IL1RAPL1: variants seen among roughly 807,000 people sequenced by gnomAD.
IL1RAPL1 encodes interleukin 1 receptor accessory protein like 1.
Under a neutral mutation model 48.4 loss-of-function variants are expected in IL1RAPL1, and 3 were observed. The ratio of observed to expected loss-of-function variants is 0.06; its 90% confidence interval spans 0.03 to 0.16. IL1RAPL1 has a LOEUF of 0.16. IL1RAPL1 is among the 10% of genes least tolerant of loss of function. The pLI, the probability that IL1RAPL1 is intolerant of heterozygous loss-of-function variation, is 1.00. For synonymous variants in IL1RAPL1, 185 were observed against 187.7 expected, an observed-to-expected ratio of 0.99 and a Z score of 0.12; for missense variants, 349 against 530.6, an observed-to-expected ratio of 0.66 and a Z score of 3.36.
intron 2 of IL1RAPL1, among the ~76,000 whole-genome samples, chrX:28,823,276 A>T (rs1383932745): frequency 5.4e-5 from 6 of 111,471 alleles, no homozygotes. Flanking sequence ...ACGGTAACTT[A>T]TGTGATTGTT....
chrX:29,866,708 C>G (rs1006941434), intron 6 of IL1RAPL1, among the ~76,000 whole-genome samples: 6 of 106,242 alleles, frequency 5.6e-5, no homozygotes, highest in African/African-American at 2.1e-4. Context: ...GAAAGAATTC[C>G]TAACTAATAA....
intron 1 of IL1RAPL1, among the ~76,000 whole-genome samples, chrX:28,730,255 T>C (rs1037718635): frequency 1.8e-5 from 2 of 111,555 alleles, no homozygotes; most frequent in African/African-American, 6.5e-5. Context: ...CACATATTGG[T>C]CTCAAAAATT....
intron 6 of IL1RAPL1, among the ~76,000 whole-genome samples, chrX:29,700,429 C>T (rs916290844): frequency 9.0e-6 from 1 of 111,435 alleles, no homozygotes; most frequent in Non-Finnish European, 1.9e-5. Flanking sequence ...TTTGCAGATA[C>T]GAAATATGTT....
intron 5 of IL1RAPL1, among the ~76,000 whole-genome samples, chrX:29,581,195 T>A (rs777056805): frequency 3.2e-4 from 36 of 112,757 alleles, no homozygotes; most frequent in Non-Finnish European, 5.1e-4. Context: ...TAAAATTGTT[T>A]TATAGCTTTT....
At chrX:29,405,455 C>T (rs1426823278) in intron 5 of IL1RAPL1, among the ~76,000 whole-genome samples, 2 of 97,429 alleles carry the variant, frequency 2.1e-5, no homozygotes, top group Admixed American at 2.1e-4. Flanking sequence ...CAAGCTCCGC[C>T]TCCCGGGTTC....
chrX:28,758,403 T>TA (rs1433869309), intron 1 of IL1RAPL1, among the ~76,000 whole-genome samples: 1 of 111,984 alleles, frequency 8.9e-6, no homozygotes, highest in African/African-American at 3.2e-5. Context: ...GGTGTTCTGG[T>TA]AAAAATGTCC....
chrX:28,986,101 A>G (rs745635982), intron 2 of IL1RAPL1, among the ~76,000 whole-genome samples: 1 of 112,217 alleles, frequency 8.9e-6, no homozygotes, highest in Admixed American at 9.5e-5. Context: ...CTGTAAATGC[A>G]TTAGATATAA....
At chrX:29,339,451 T>C (rs1374363942) in intron 3 of IL1RAPL1, among the ~76,000 whole-genome samples, 1 of 111,981 alleles carries the variant, frequency 8.9e-6, no homozygotes, top group East Asian at 2.8e-4. Context: ...GAAAAGGGAA[T>C]TGAAAAGTGG....
At chrX:28,750,985 C>T (rs1410848982) in intron 1 of IL1RAPL1, among the ~76,000 whole-genome samples, 1 of 112,048 alleles carries the variant, frequency 8.9e-6, no homozygotes, top group Non-Finnish European at 1.9e-5. Flanking sequence ...TCTAGATTAC[C>T]TAGCGGATTT....
At chrX:28,629,136 C>T (rs1311402955) in intron 1 of IL1RAPL1, among the ~76,000 whole-genome samples, 1 of 111,635 alleles carries the variant, frequency 9.0e-6, no homozygotes, top group Non-Finnish European at 1.9e-5. Flanking sequence ...ACAGAATTCT[C>T]TCATAACACA....
chrX:29,471,552 G>A (rs1019478088), intron 5 of IL1RAPL1, among the ~76,000 whole-genome samples: 1 of 111,372 alleles, frequency 9.0e-6, no homozygotes, highest in Non-Finnish European at 1.9e-5. Context: ...TAGAGATGAG[G>A]CTATGACACG....
At chrX:29,385,532 A>G (rs143076945) in intron 3 of IL1RAPL1, among the ~76,000 whole-genome samples, 1 of 112,484 alleles carries the variant, frequency 8.9e-6, no homozygotes, top group East Asian at 2.8e-4. Context: ...GCTCCTGGTA[A>G]CCTCTACTCT....
intron 1 of IL1RAPL1, among the ~76,000 whole-genome samples, chrX:28,675,148 G>A (rs1366732786): frequency 3.6e-5 from 4 of 111,589 alleles, no homozygotes; most frequent in Non-Finnish European, 3.8e-5. Context: ...ATAATATTAT[G>A]TGACCATTTG....
chrX:29,081,020 C>CTCTCTCTCT (rs1555960745), intron 2 of IL1RAPL1, among the ~76,000 whole-genome samples: 6 of 41,914 alleles, frequency 1.4e-4, no homozygotes, highest in African/African-American at 1.8e-4. Flanking sequence ...CTCTCTCTCT[C>CTCTCTCTCT]TTTCTTTTCT....
At chrX:29,217,128 A>G (rs1930884172) in intron 2 of IL1RAPL1, among the ~76,000 whole-genome samples, 1 of 112,344 alleles carries the variant, frequency 8.9e-6, no homozygotes, top group South Asian at 3.7e-4. Context: ...TGTCACACTT[A>G]AAAAGGACAG....
chrX:28,785,222 T>C (rs1381614931), intron 1 of IL1RAPL1, among the ~76,000 whole-genome samples: 1 of 111,849 alleles, frequency 8.9e-6, no homozygotes, highest in African/African-American at 3.3e-5. Flanking sequence ...CCTCTGGGGC[T>C]TAAGTGATCC....
At chrX:29,538,144 C>T (rs763357488) in intron 5 of IL1RAPL1, among the ~76,000 whole-genome samples, 85 of 107,824 alleles carry the variant, frequency 7.9e-4, no homozygotes, top group Non-Finnish European at 1.3e-3. Flanking sequence ...TTTAATATCA[C>T]TTTAATATTG....
chrX:29,954,296 T>A (rs1214366995), intron 9 of IL1RAPL1, among the ~76,000 whole-genome samples: 1 of 106,697 alleles, frequency 9.4e-6, no homozygotes, highest in Non-Finnish European at 1.9e-5. Context: ...TTTTCATTGA[T>A]TTTTCTCCTA....
At chrX:28,654,367 T>G (rs753323692) in intron 1 of IL1RAPL1, among the ~76,000 whole-genome samples, 2 of 111,522 alleles carry the variant, frequency 1.8e-5, no homozygotes, top group Non-Finnish European at 3.8e-5. Flanking sequence ...AGCTTGGTAT[T>G]CTTATCCCCA....
Sources: allele counts gnomAD v4.1 joint callset (sites outside exome capture counted in the v4.1 genomes callset), GRCh38; gene constraint gnomAD v4.1.1; transcripts MANE v1.5; gene names NCBI Gene and HGNC (gene_info 2026-07-23, HGNC 2026-07-21).